Variants in ZMYM6 observed in about 807,000 individuals in gnomAD.
ZMYM6 encodes zinc finger MYM-type containing 6, also known as zinc finger MYM-type protein 6.
In ZMYM6, 90 loss-of-function variants were observed where a neutral mutation model predicts 134.0. The observed-to-expected ratio is 0.67, with a 90% confidence interval of 0.57 to 0.80. The LOEUF (loss-of-function observed/expected upper bound fraction) is 0.80. ZMYM6 is among the 30% of genes least tolerant of loss of function. The probability of loss-of-function intolerance (pLI) is 0.00; values close to 1 mark genes in which losing one functional copy is unlikely to be tolerated. For missense variants in ZMYM6, 1,362 were observed against 1,533.9 expected (o/e 0.89, Z 1.87); for synonymous variants, 481 against 524.1 (o/e 0.92, Z 1.12).
At chr1:35,003,571 C>T (rs972087105) in intron 14 of ZMYM6, among the ~76,000 whole-genome samples, 1 of 152,070 alleles carries the variant, frequency 6.6e-6, no homozygotes, top group African/African-American at 2.4e-5. Flanking sequence ...TTGTTATTTC[C>T]AACCAGGTGG....
intron 6 of ZMYM6, chr1:35,013,790 C>T: frequency 2.1e-6 from 1 of 473,038 alleles, no homozygotes; most frequent in Non-Finnish European, 2.8e-6. Flanking sequence ...CTCCCGGGTT[C>T]AAGCAATTCT....
rs1335024284 is a variant in ZMYM6, at chr1:35,020,410, C to T, written c.151G>A (p.Val51Met). 7.4e-6 allele frequency: 12 copies of T among 1,612,354 alleles called. No individual in the cohort carries two copies. The highest frequency in any genetic ancestry group is 3.3e-5 in the Admixed American group (2 of 59,838). ...TQESKLKIGG[V>M]SSVNERPIAQ... is the part of the protein sequence containing the mutation. Reference sequence around the variant, plus strand: ...ATAGGTCTCTCATTAACTGAAGACACACCACCAATTTTCAATTTACTTTCT... The same window carrying T: ...ATAGGTCTCTCATTAACTGAAGACATACCACCAATTTTCAATTTACTTTCT... The change falls in exon 3 of 16, where the codon GTG becomes ATG. Residue 51 changes from valine to methionine, a missense_variant. Coordinates refer to ENST00000357182, the MANE Select transcript of ZMYM6 (RefSeq NM_007167.4).
intron 4 of ZMYM6, 139 bp downstream of exon 4, chr1:35,019,214 G>A: frequency 7.9e-7 from 1 of 1,265,098 alleles, no homozygotes; most frequent in South Asian, 1.5e-5. Flanking sequence ...TTTAAAATTG[G>A]TGAATTCTTC....
chr1:34,995,259 G>T (rs548494242), intron 14 of ZMYM6, among the ~76,000 whole-genome samples: 1 of 147,094 alleles, frequency 6.8e-6, no homozygotes, highest in East Asian at 2.0e-4. Flanking sequence ...ATAGGGTTTG[G>T]TATGATTCAT....
intron 15 of ZMYM6, 21 bp from the exon 16 acceptor site, chr1:34,988,956 A>G: frequency 6.3e-7 from 1 of 1,593,196 alleles, no homozygotes; most frequent in Non-Finnish European, 8.5e-7. Flanking sequence ...TATTTGAATC[A>G]CTGTTATTTT....
Position 35,016,929 on chromosome 1 carries a change from C to T in ZMYM6, c.429-1767G>A, listed in dbSNP as rs1010776386. 2.7e-5 allele frequency among the ~76,000 whole-genome samples: 4 copies of T among 149,192 alleles called. No individual in the cohort carries two copies. The Admixed American group carries it at 2.7e-4, about 10-fold the overall frequency. Reference sequence around the variant, plus strand: ...CTGAGGTGGGAGGATTGCTTGAGCCCGGGAGGTAGAGGCTGCAGTGAGCTG... The same window carrying T: ...CTGAGGTGGGAGGATTGCTTGAGCCTGGGAGGTAGAGGCTGCAGTGAGCTG... On this transcript the variant is annotated intron_variant, in intron 4 of 15. Transcript: ENST00000357182.
rs201365292 is a variant in ZMYM6 at position 35,007,058 on chromosome 1, C to T, written c.1706G>A (p.Ser569Asn). ...GTTGCCTCGCCACTTTATGGACTCG[C>T]TTAGTTTACCCTGTCGTTTACAACC... is the stretch of plus-strand genomic sequence containing the variant. ...CDGCKRQGKLSESIKWRGNIK... is the reference protein window; with the variant it reads ...CDGCKRQGKLNESIKWRGNIK... Residue 569 changes from serine (S) to asparagine (N), a missense_variant, in exon 12 of 16, where the codon AGC (serine) becomes AAC (asparagine). Transcript: ENST00000357182. 2.5e-6 allele frequency: 4 copies of T among 1,610,096 alleles called. No individual in the cohort carries two copies. Among genetic ancestry groups the T allele is most frequent in the Non-Finnish European group, 3.4e-6 (4 of 1,178,146 alleles).
rs184783909 is a variant in ZMYM6, at chr1:35,013,299, A to G, written c.796-718T>C. 1.4e-5 allele frequency: 13 copies of G among 903,364 alleles called. No homozygotes were observed. The African/African-American group carries it at 1.4e-4, about 10-fold the overall frequency. The allele number at this position is 903,364 out of a possible 1,614,324, so 56.0% of individuals were successfully genotyped here. A position where few individuals can be genotyped will look rare whatever the true frequency, so the allele number is the denominator to read the frequency against. On this transcript the variant is annotated intron_variant, in intron 6 of 15. Coordinates refer to ENST00000357182, the MANE Select transcript of ZMYM6 (RefSeq NM_007167.4). The stretch of plus-strand genomic sequence containing the variant: ...GCAGAAGAAGTAGGAAATTAAACTC[A>G]TTTCATCAGGCTCCAAAGTTCAGGC...
chr1:35,020,245 A>G, intron 3 of ZMYM6, 138 bp downstream of exon 3: 1 of 652,026 alleles, frequency 1.5e-6, no homozygotes, highest in Non-Finnish European at 2.5e-6. Context: ...AACGCTGCTG[A>G]AAACCAGCTA....
chr1:35,016,239 G>A (rs980161247), intron 4 of ZMYM6, among the ~76,000 whole-genome samples: 11 of 152,104 alleles, frequency 7.2e-5, no homozygotes, highest in African/African-American at 2.4e-4. Context: ...ATAAGCCACC[G>A]TGTCCAGCCA....
At chr1:35,020,230 T>G (rs1641280620) in intron 3 of ZMYM6, among the ~76,000 whole-genome samples, 153 bp downstream of exon 3, 1 of 152,188 alleles carries the variant, frequency 6.6e-6, no homozygotes, top group African/African-American at 2.4e-5. Flanking sequence ...TACTCTATTT[T>G]TTAAAACGCT....
At chr1:34,989,092 A>G in intron 15 of ZMYM6, 157 bp from the exon 16 acceptor site, 1 of 1,423,570 alleles carries the variant, frequency 7.0e-7, no homozygotes, top group Non-Finnish European at 9.1e-7. Flanking sequence ...AATACTTCCA[A>G]TGATGCTACT....
At chr1:35,009,995 T>A (rs537018836) in intron 10 of ZMYM6, among the ~76,000 whole-genome samples, 1 of 151,948 alleles carries the variant, frequency 6.6e-6, no homozygotes. Context: ...GAATTAACTA[T>A]AAACACAATT....
Position 34,987,540 on chromosome 1 carries a change from G to T in ZMYM6, c.3542C>A (p.Thr1181Lys). Residue 1181 changes from threonine to lysine, a missense_variant, in exon 16 of 16, where the codon ACA (threonine) becomes AAA (lysine). Transcript: ENST00000357182. Reference protein sequence around the residue: ...EFSNSSGLNMTDITRIIFEHL... With the variant: ...EFSNSSGLNMKDITRIIFEHL... ...CTCAAAAATAATCCTTGTGATGTCT[G>T]TCATATTTAAGCCTGATGAATTTGA... 6.2e-7 allele frequency: 1 copy of T among 1,613,808 alleles called. No homozygotes were observed. Among genetic ancestry groups the T allele is most frequent in the Non-Finnish European group, 8.5e-7 (1 of 1,179,884 alleles).
chr1:34,995,441 A>C lies in ZMYM6; in HGVS notation c.1993-3054T>G, dbSNP rs535789299. On this transcript the variant is annotated intron_variant, in intron 14 of 15. Coordinates refer to ENST00000357182, the MANE Select transcript of ZMYM6 (RefSeq NM_007167.4). ...TTTTCTATACATATATACCTATGAT[A>C]AAGTTTTATTTATAAATTAGGCATA... Among the ~76,000 whole-genome samples, 3 of 152,106 alleles carry C rather than the reference A, an allele frequency of 2.0e-5. No individual in the cohort carries two copies. The South Asian group carries it at 6.2e-4, about 32-fold the overall frequency.
At chr1:35,008,474 G>A (rs1327008584) in intron 11 of ZMYM6, among the ~76,000 whole-genome samples, 2 of 152,212 alleles carry the variant, frequency 1.3e-5, no homozygotes, top group African/African-American at 2.4e-5. Context: ...ATTATGTGAA[G>A]TTCTAACCTG....
chr1:35,014,800 G>A lies in ZMYM6; in HGVS notation c.692C>T (p.Thr231Ile), dbSNP rs572750320. Residue 231 changes from threonine (T) to isoleucine (I), a missense_variant, in exon 6 of 16, where the codon ACC becomes ATC. Physicochemically the swap from Thr to Ile is moderately conservative, Grantham distance 89. Transcript: ENST00000357182. ...CCCACAGTTCTCACAACAGTTCATG[G>A]TGAGGTTGTTTGTAGAGTGAAATTT... ...FSKFHSTNNL[T>I]MNCCENCGSY... 1 of 1,614,192 alleles carries A rather than the reference G, an allele frequency of 6.2e-7. No homozygotes were observed. The highest frequency in any genetic ancestry group is 1.7e-5 in the Admixed American group (1 of 60,028).
At chr1:34,990,203 C>T (rs910853153) in intron 15 of ZMYM6, 3 of 175,536 alleles carry the variant, frequency 1.7e-5, no homozygotes, top group South Asian at 2.2e-4. Flanking sequence ...GATGATAGGC[C>T]GGCGCGGTGG....
intron 10 of ZMYM6, among the ~76,000 whole-genome samples, 190 bp downstream of exon 10, chr1:35,010,257 G>A (rs1641061564): frequency 6.6e-6 from 1 of 152,154 alleles, no homozygotes; most frequent in Non-Finnish European, 1.5e-5. Flanking sequence ...CCAACCTCAA[G>A]TGATCCACCC....
Sources: gnomAD v4.1 joint callset for allele counts (sites outside exome capture counted in the v4.1 genomes callset) on GRCh38, gnomAD v4.1.1 for gene constraint, MANE v1.5 for transcripts, NCBI Gene and HGNC (gene_info 2026-07-23, HGNC 2026-07-21) for gene names.